The following TTC39A variants were observed in gnomAD, a reference collection of about 807,000 sequenced individuals.
TTC39A encodes tetratricopeptide repeat protein 39A.
In TTC39A, 46 loss-of-function variants were observed where a neutral mutation model predicts 82.3. The ratio of observed to expected loss-of-function variants is 0.56; its 90% CI spans 0.44 to 0.71. TTC39A has a LOEUF of 0.71. Among genes scored for constraint, TTC39A ranks in the 30% least tolerant of loss-of-function variants. The pLI, the probability that TTC39A is intolerant of heterozygous loss-of-function variation, is 0.00. For missense variants in TTC39A, 543 were observed against 712.9 expected, an observed-to-expected ratio of 0.76 and a Z score of 2.71; for synonymous variants, 254 against 275.2, an observed-to-expected ratio of 0.92 and a Z score of 0.76.
intron 1 of TTC39A, among the ~76,000 whole-genome samples, chr1:51,340,758 A>G (rs1290848332): frequency 6.6e-5 from 10 of 152,226 alleles, no homozygotes; most frequent in Admixed American, 6.5e-4. Context: ...GATCCTCACA[A>G]CAATCCTGGG....
At chr1:51,296,651 G>C (rs1644440275) in intron 12 of TTC39A, 1 of 210,078 alleles carries the variant, frequency 4.8e-6, no homozygotes, top group Admixed American at 5.2e-5. Context: ...GCTTGAGCCA[G>C]AAACGTGAGC....
chr1:51,320,396 CT>C (rs914211036), intron 2 of TTC39A, among the ~76,000 whole-genome samples: 1 of 141,696 alleles, frequency 7.1e-6, no homozygotes, highest in South Asian at 2.3e-4. Flanking sequence ...CTTTTCTTTT[CT>C]TTTTTTCTTT....
intron 1 of TTC39A, among the ~76,000 whole-genome samples, chr1:51,329,239 C>T (rs997602573): frequency 1.3e-5 from 2 of 152,160 alleles, no homozygotes; most frequent in Non-Finnish European, 1.5e-5. Context: ...TCCTGGAAAC[C>T]ACTTTTCTGG....
chr1:51,309,525 A>C, intron 5 of TTC39A, 200 bp from the exon 6 acceptor site: 1 of 1,302,504 alleles, frequency 7.7e-7, no homozygotes, highest in Non-Finnish European at 1.0e-6. Flanking sequence ...CCAGCCTCCC[A>C]GGTACACATA....
At chr1:51,325,645 G>T (rs1645686778) in intron 1 of TTC39A, among the ~76,000 whole-genome samples, 1 of 152,146 alleles carries the variant, frequency 6.6e-6, no homozygotes, top group Non-Finnish European at 1.5e-5. Context: ...CCAAGCTAAG[G>T]TCACACATCC....
At position 51,308,368 on chromosome 1, in the gene TTC39A, T is replaced by C. The variant is rs373259115; in HGVS notation, c.488+893A>G. Among the ~76,000 whole-genome samples the C allele has an allele frequency of 2.0e-5, 3 of 152,064 alleles. No homozygotes were observed. The East Asian group carries it at 5.8e-4, about 30-fold the overall frequency. On this transcript the variant is annotated intron_variant, in intron 6 of 17. Transcript: ENST00000680483. ...GATTCTCCTGCCTGAGCCTCCCAAG[T>C]AGCTGGGATTACAGGTGCCTGCCAC...
chr1:51,295,054 C>A (rs2148129416), intron 13 of TTC39A, among the ~76,000 whole-genome samples: 1 of 151,092 alleles, frequency 6.6e-6, no homozygotes, highest in Middle Eastern at 3.5e-3. Context: ...ATCCCACCCT[C>A]CTCCTATTTC....
Position 51,301,557 on chromosome 1 carries a change from G to A in TTC39A, c.1053+15C>T, listed in dbSNP as rs140820236. 4.2e-4 allele frequency: 671 copies of A among 1,588,846 alleles called. 2 individuals are homozygous for A. The African/African-American group carries it at 7.9e-3, about 19-fold the overall frequency. On this transcript the variant is annotated intron_variant, in intron 12 of 17. Transcript: ENST00000680483. ...CCTGGTCACCCAATGCCCCTAACAC[G>A]TGGCATCAGCCCACCTTGGACCAGC...
intron 1 of TTC39A, among the ~76,000 whole-genome samples, chr1:51,326,887 G>A (rs1645730493): frequency 6.6e-6 from 1 of 152,208 alleles, no homozygotes; most frequent in Non-Finnish European, 1.5e-5. Flanking sequence ...GGGGAACAGA[G>A]GAGAGGGACG....
rs1645536874 is a variant in TTC39A, at chr1:51,321,915, C to A, written c.42-90G>T. On this transcript the variant is annotated intron_variant, in intron 1 of 17. Coordinates refer to ENST00000680483, the MANE Select transcript of TTC39A (RefSeq NM_001297663.2). The surrounding 1 kb of genome is among the most constrained non-coding windows in gnomAD (Gnocchi z 4.6). ...ACAGAGCCTCACAGGGTCTACTCAG[C>A]CTCCCTGGCCAGCCTTGGGTGCCTG... 1 of 1,394,468 alleles carries A rather than the reference C, an allele frequency of 7.2e-7. No homozygotes were observed. Among genetic ancestry groups the A allele is most frequent in the African/African-American group, 1.4e-5 (1 of 69,848 alleles). 86.4% of individuals were successfully genotyped at this position (1,394,468 alleles called of 1,614,324 possible).
Position 51,290,541 on chromosome 1 carries a change from C to T in TTC39A, c.1351G>A (p.Ala451Thr). 8 of 1,613,964 alleles carry T rather than the reference C, an allele frequency of 5.0e-6. No individual in the cohort carries two copies. The highest frequency in any genetic ancestry group is 6.8e-6 in the Non-Finnish European group (8 of 1,179,868). The change falls in exon 15 of 18, where the codon GCT becomes ACT. Residue 451 changes from alanine (A) to threonine (T), a missense_variant. By Grantham distance (58) the Ala-to-Thr change is moderately conservative (BLOSUM62 0). Coordinates refer to ENST00000680483, the MANE Select transcript of TTC39A (RefSeq NM_001297663.2). ...GGGCCTTTCTCCAGCATCTCTTCAG[C>T]CTTAGTGATAATCTCAAGTATCCCA... ...TDGILEIITK[A>T]EEMLEKGPEN... is the part of the protein sequence containing the mutation.
chr1:51,290,491 C>T (rs1644167173), intron 15 of TTC39A, 23 bp downstream of exon 15: 1 of 1,606,208 alleles, frequency 6.2e-7, no homozygotes, highest in Admixed American at 1.7e-5. Flanking sequence ...GCATGGCAGG[C>T]CCAAGGGCCT....
intron 2 of TTC39A, among the ~76,000 whole-genome samples, chr1:51,320,416 C>CTTTTTTTTTTTTTTTTTTTTTTTTTT (rs57261779): frequency 6.3e-5 from 5 of 79,472 alleles, no homozygotes; most frequent in Admixed American, 1.5e-4. Context: ...TTTTCTTTTT[C>CTTTTTTTTTTTTTTTTTTTTTTTTTT]TTTTTTTTTT....
Position 51,288,856 on chromosome 1 carries a change from T to A in TTC39A, c.1593A>T (p.Lys531Asn). 2 of 1,608,866 alleles carry A rather than the reference T, an allele frequency of 1.2e-6. No individual in the cohort carries two copies. Among genetic ancestry groups the A allele is most frequent in the Middle Eastern group, 3.3e-4 (2 of 6,046 alleles). ...MEQDRNEEAI[K>N]LLESAKQNYK... is the part of the protein sequence containing the mutation. Reference sequence around the variant, plus strand: ...AGCCTTACTTGGCAGATTCCAAAAGTTTGATGGCCTCTTCGTTTCTGTCTT... The same window carrying A: ...AGCCTTACTTGGCAGATTCCAAAAGATTGATGGCCTCTTCGTTTCTGTCTT... The change falls in exon 17 of 18, where the codon AAA becomes AAT. Residue 531 changes from lysine to asparagine, a missense_variant. Transcript: ENST00000680483. The surrounding 1 kb of genome is among the most constrained non-coding windows in gnomAD (Gnocchi z 4.8).
chr1:51,309,937 A>G (rs1330077825), intron 5 of TTC39A, among the ~76,000 whole-genome samples: 1 of 152,198 alleles, frequency 6.6e-6, no homozygotes, highest in Non-Finnish European at 1.5e-5. Flanking sequence ...CACACCACTT[A>G]GGAAGCTCAA....
rs767269384 is a variant in TTC39A, at chr1:51,301,556, C to T, written c.1053+16G>A. On this transcript the variant is annotated intron_variant, in intron 12 of 17. Transcript: ENST00000680483. ...CCCTGGTCACCCAATGCCCCTAACA[C>T]GTGGCATCAGCCCACCTTGGACCAG... 9 of 1,587,900 alleles carry T rather than the reference C, an allele frequency of 5.7e-6. No individual in the cohort carries two copies. The highest frequency in any genetic ancestry group is 2.3e-5 in the East Asian group (1 of 43,762).
At position 51,321,638 on chromosome 1, in the gene TTC39A, CACAGGGTTCCTCTCATACA is replaced by C. The variant is rs1645522317; in HGVS notation, c.146+64_146+82del. Reference sequence around the variant, plus strand: ...CCAGAAAGCCAAAGGCATTTAGTTACACAGGGTTCCTCTCATACAAGACCTCTGGTTCTCCCTGACCGTC... The same window carrying C: ...CCAGAAAGCCAAAGGCATTTAGTTACAGACCTCTGGTTCTCCCTGACCGTC... On this transcript the variant is annotated intron_variant, in intron 2 of 17. Coordinates refer to ENST00000680483, the MANE Select transcript of TTC39A (RefSeq NM_001297663.2). The surrounding 1 kb of genome is among the most constrained non-coding windows in gnomAD (Gnocchi z 4.6). 20 of 1,322,066 alleles carry C rather than the reference CACAGGGTTCCTCTCATACA, an allele frequency of 1.5e-5. No homozygotes were observed. The Admixed American group carries it at 2.8e-4, about 18-fold the overall frequency. 81.9% of individuals were successfully genotyped at this position (1,322,066 alleles called of 1,614,324 possible). A position where few individuals can be genotyped will look rare whatever the true frequency, so the allele number is the denominator to read the frequency against.
In TTC39A at chr1:51,306,862, C is replaced by A. The variant is rs1006502912; in HGVS notation, c.489-786G>T. ...TCACTTTAAGGGACAGACCCCCCCC[C>A]CCCGCCCCCCGATTGAGTCACTATG... On this transcript the variant is annotated intron_variant, in intron 6 of 17. Transcript: ENST00000680483. Among the ~76,000 whole-genome samples the A allele has an allele frequency of 2.7e-5, 3 of 111,898 alleles. 1 individual carries two copies. In the East Asian group the frequency reaches 1.0e-3, roughly 38 times the overall value. The allele number at this position is 111,898 out of a possible 152,430, so 73.4% of individuals were successfully genotyped here.
At chr1:51,293,460 A>G (rs1270163516) in intron 14 of TTC39A, among the ~76,000 whole-genome samples, 1 of 152,236 alleles carries the variant, frequency 6.6e-6, no homozygotes, top group Non-Finnish European at 1.5e-5. Context: ...GACCGTTTCA[A>G]TTTATAAAGT....
Sources: gnomAD v4.1 joint callset for allele counts (sites outside exome capture counted in the v4.1 genomes callset) on GRCh38, gnomAD v4.1.1 for gene constraint, Gnocchi (gnomAD v3.1) non-coding constraint, MANE v1.5 for transcripts, NCBI Gene and HGNC (gene_info 2026-07-23, HGNC 2026-07-21) for gene names.